OSBPL9: variants seen among roughly 807,000 people sequenced by gnomAD.
OSBPL9 encodes the protein oxysterol binding protein like 9, also known as oxysterol-binding protein-related protein 9.
In OSBPL9, 40 loss-of-function variants were observed where a neutral mutation model predicts 106.6. That is an observed-to-expected ratio of 0.38 (90% CI 0.29 to 0.49). The LOEUF is 0.49. OSBPL9 is among the 20% of genes least tolerant of loss of function. The pLI is 0.97. For missense variants in OSBPL9, 609 were observed against 887.2 expected (o/e 0.69, Z 3.98); for synonymous variants, 269 against 295.4 (o/e 0.91, Z 0.92).
At chr1:51,705,376 CATATATATATAT>C (rs202075577) in intron 3 of OSBPL9, among the ~76,000 whole-genome samples, 9 of 41,670 alleles carry the variant, frequency 2.2e-4, no homozygotes, top group African/African-American at 6.7e-4. Context: ...TAGGGTGTTT[CATATATATATAT>C]ATATATATAT....
intron 6 of OSBPL9, among the ~76,000 whole-genome samples, chr1:51,747,776 G>T: frequency 6.6e-6 from 1 of 151,966 alleles, no homozygotes; most frequent in African/African-American, 2.4e-5. Context: ...TAAGGAATAA[G>T]AATTTTTTGT....
intron 2 of OSBPL9, among the ~76,000 whole-genome samples, chr1:51,656,792 T>C (rs1463255886): frequency 6.6e-6 from 1 of 152,002 alleles, no homozygotes; most frequent in Non-Finnish European, 1.5e-5. Flanking sequence ...GCTGAGTAGC[T>C]AGGACTACAG....
chr1:51,621,863 A>G (rs1252740013), intron 1 of OSBPL9, among the ~76,000 whole-genome samples: 2 of 152,152 alleles, frequency 1.3e-5, no homozygotes, highest in Non-Finnish European at 2.9e-5. Flanking sequence ...TGTATTTCCT[A>G]TATAAATTGA....
the OSBPL9 span, among the ~76,000 whole-genome samples, chr1:51,564,653 C>T: frequency 6.6e-6 from 1 of 152,230 alleles, no homozygotes; most frequent in Non-Finnish European, 1.5e-5. Context: ...AATTCACAGT[C>T]ATTCAACACA....
chr1:51,762,354 A>G (rs550260608), intron 11 of OSBPL9, among the ~76,000 whole-genome samples: 40 of 151,870 alleles, frequency 2.6e-4, no homozygotes, highest in Non-Finnish European at 4.6e-4. Context: ...TGTAGAGAGG[A>G]GTCTCCCTAT....
chr1:51,773,571 C>T (rs1490433712), intron 14 of OSBPL9, among the ~76,000 whole-genome samples: 1 of 152,170 alleles, frequency 6.6e-6, no homozygotes, highest in Non-Finnish European at 1.5e-5. Flanking sequence ...CTGCCTTTGT[C>T]TTGAAGGCTT....
intron 2 of OSBPL9, among the ~76,000 whole-genome samples, chr1:51,663,583 G>C (rs1020994583): frequency 1.3e-5 from 2 of 152,178 alleles, no homozygotes; most frequent in Non-Finnish European, 2.9e-5. Flanking sequence ...TCATGGCCTT[G>C]GGACTGGGAA....
chr1:51,755,090 ACT>A (rs1670044319), intron 8 of OSBPL9, among the ~76,000 whole-genome samples: 2 of 151,848 alleles, frequency 1.3e-5, no homozygotes, highest in South Asian at 4.2e-4. Flanking sequence ...TACAGGCATG[ACT>A]CTTTCTCTTT....
At chr1:51,570,864 C>T in the OSBPL9 span, among the ~76,000 whole-genome samples, 2 of 152,082 alleles carry the variant, frequency 1.3e-5, no homozygotes, top group Non-Finnish European at 1.5e-5. Context: ...GCTCTGTCGC[C>T]AGGCTGGAGT....
At chr1:51,678,829 A>G (rs1651886680) in intron 3 of OSBPL9, among the ~76,000 whole-genome samples, 1 of 152,234 alleles carries the variant, frequency 6.6e-6, no homozygotes, top group South Asian at 2.1e-4. Flanking sequence ...TATCTGCATC[A>G]TTAATCATTT....
chr1:51,672,283 G>T (rs1650059588), intron 3 of OSBPL9, among the ~76,000 whole-genome samples: 1 of 152,174 alleles, frequency 6.6e-6, no homozygotes, highest in Non-Finnish European at 1.5e-5. Context: ...CTCCCACATG[G>T]TAGCAGTGGA....
chr1:51,556,141 C>T, the OSBPL9 span, among the ~76,000 whole-genome samples: 1 of 152,002 alleles, frequency 6.6e-6, no homozygotes, highest in Non-Finnish European at 1.5e-5. Context: ...AATAATAACT[C>T]CCTGACAGTA....
intron 1 of OSBPL9, among the ~76,000 whole-genome samples, chr1:51,588,157 C>G (rs539177893): frequency 6.6e-6 from 1 of 152,078 alleles, no homozygotes; most frequent in Non-Finnish European, 1.5e-5. Context: ...CCGAGGTGGG[C>G]AGGTCACCTG....
At chr1:51,663,403 A>T (rs1647601630) in intron 2 of OSBPL9, among the ~76,000 whole-genome samples, 1 of 152,070 alleles carries the variant, frequency 6.6e-6, no homozygotes, top group South Asian at 2.1e-4. Context: ...CAGCCAACAT[A>T]CAGAACCCAG....
intron 1 of OSBPL9, among the ~76,000 whole-genome samples, chr1:51,631,083 T>C (rs1429282738): frequency 6.6e-6 from 1 of 152,178 alleles, no homozygotes; most frequent in Admixed American, 6.5e-5. Context: ...TTTTCAAAGA[T>C]AGTTTGGTGT....
intron 1 of OSBPL9, among the ~76,000 whole-genome samples, chr1:51,584,234 T>A (rs986652603): frequency 6.6e-6 from 1 of 152,138 alleles, no homozygotes; most frequent in African/African-American, 2.4e-5. Context: ...GCCGCTGATA[T>A]TATCATCTGC....
chr1:51,574,730 A>T (rs1484039719), upstream of OSBPL9, among the ~76,000 whole-genome samples: 1 of 152,232 alleles, frequency 6.6e-6, no homozygotes, highest in African/African-American at 2.4e-5. Flanking sequence ...AGATGGAAAA[A>T]TGTGCTTAGA....
chr1:51,625,776 G>T (rs1025753601), intron 1 of OSBPL9, among the ~76,000 whole-genome samples: 1 of 151,948 alleles, frequency 6.6e-6, no homozygotes, highest in African/African-American at 2.4e-5. Flanking sequence ...CACCCTCCTC[G>T]GCCTCCCAAA....
At chr1:51,684,169 A>G (rs1653233488) in intron 3 of OSBPL9, among the ~76,000 whole-genome samples, 1 of 151,798 alleles carries the variant, frequency 6.6e-6, no homozygotes, top group South Asian at 2.1e-4. Flanking sequence ...ATGCCCAACT[A>G]ATTTATTTAT....
Sources: gnomAD v4.1 joint callset for allele counts (sites outside exome capture counted in the v4.1 genomes callset) on GRCh38, gnomAD v4.1.1 for gene constraint, MANE v1.5 for transcripts, NCBI Gene and HGNC (gene_info 2026-07-23, HGNC 2026-07-21) for gene names.